MYOM1: variants seen among roughly 807,000 people sequenced by gnomAD.
MYOM1 encodes myomesin-1.
MYOM1 carries 164 observed loss-of-function variants against 205.3 expected under a neutral mutation model. That is an observed-to-expected ratio of 0.80 (90% CI 0.70 to 0.91). The LOEUF (loss-of-function observed/expected upper bound fraction) is 0.91. MYOM1 is among the 40% of genes least tolerant of loss of function. MYOM1 has a pLI of 0.00. For missense variants in MYOM1, 2,011 were observed against 2,127.3 expected, an observed-to-expected ratio of 0.95 and a Z score of 1.08; for synonymous variants, 772 against 789.4, an observed-to-expected ratio of 0.98 and a Z score of 0.37.
At chr18:3,165,021 T>G (rs2080447694) in intron 9 of MYOM1, among the ~76,000 whole-genome samples, 1 of 152,180 alleles carries the variant, frequency 6.6e-6, no homozygotes, top group Admixed American at 6.5e-5. Context: ...CATAATTTTT[T>G]TAGAAGGACC....
intron 3 of MYOM1, 85 bp downstream of exon 3, chr18:3,193,733 A>G (rs73940120): frequency 1.5e-5 from 20 of 1,372,536 alleles, no homozygotes; most frequent in Middle Eastern, 1.8e-4. Flanking sequence ...TCTGTCCACA[A>G]CAATTATGAC....
rs373856363 is a variant in MYOM1 at position 3,131,359 on chromosome 18, T to C, written c.2506+16A>G. The C allele has an allele frequency of 1.3e-5, 21 of 1,613,546 alleles. No homozygotes were observed. The African/African-American group carries it at 2.7e-4, about 20-fold the overall frequency. On this transcript the variant is annotated intron_variant, in intron 17 of 37. Coordinates refer to ENST00000356443, the MANE Select transcript of MYOM1 (RefSeq NM_003803.4). Reference sequence around the variant, plus strand: ...AATCCATTTTTCCCCCATACAGTTATGCATAAGGAACTTACCAATAGCAGC... The same window carrying C: ...AATCCATTTTTCCCCCATACAGTTACGCATAAGGAACTTACCAATAGCAGC...
At chr18:3,158,890 C>T (rs28757783) in intron 10 of MYOM1, among the ~76,000 whole-genome samples, 2,704 of 152,212 alleles carry the variant, frequency 0.018, 67 homozygotes, top group African/African-American at 0.058. Context: ...CTGGGATTAC[C>T]GGCATGAGCC....
intron 10 of MYOM1, among the ~76,000 whole-genome samples, chr18:3,162,317 T>A (rs2080402833): frequency 6.6e-6 from 1 of 151,952 alleles, no homozygotes; most frequent in African/African-American, 2.4e-5. Flanking sequence ...GCCTTAATCA[T>A]CCCCGGGGCC....
chr18:3,149,459 C>T (rs2080185351), intron 12 of MYOM1, among the ~76,000 whole-genome samples: 1 of 152,168 alleles, frequency 6.6e-6, no homozygotes, highest in Admixed American at 6.5e-5. Context: ...ACTGTACTTG[C>T]ACAAGCTAGG....
chr18:3,112,304 G>A lies in MYOM1; in HGVS notation c.3412C>T (p.Arg1138Cys), dbSNP rs200710899. 476 of 1,612,988 alleles carry A rather than the reference G, an allele frequency of 3.0e-4. No individual in the cohort carries two copies. In the African/African-American group the frequency reaches 5.4e-3, roughly 18 times the overall value. ...DLAGPVVAET[R>C]PGTKEVVVNV... is the part of the protein sequence containing the mutation. ...TGAAAAGGTGAAAGCCCACCTGGAC[G>A]GGTCTCTGCCACAACAGGGCCAGCA... Residue 1138 changes from arginine (R) to cysteine (C), a missense_variant, in exon 22 of 38, where the codon CGT becomes TGT. Physicochemically the swap from Arg to Cys is radical, Grantham distance 180. Transcript: ENST00000356443.
rs866312296 is a variant in MYOM1, at chr18:3,073,000, G to A, written c.4709-1111C>T. 2.4e-3 allele frequency among the ~76,000 whole-genome samples: 205 copies of A among 87,106 alleles called. 1 individual carries two copies. The highest frequency in any genetic ancestry group is 7.8e-3 in the African/African-American group (186 of 23,700). The allele number at this position is 87,106 out of a possible 152,430, so 57.1% of individuals were successfully genotyped here. On this transcript the variant is annotated intron_variant, in intron 36 of 37. Transcript: ENST00000356443. Reference sequence around the variant, plus strand: ...TTTTTTTTTTTTTTTTTTTTTTTAAGAGACAGGGTCTTATGTTACCCAGGC... The same window carrying A: ...TTTTTTTTTTTTTTTTTTTTTTTAAAAGACAGGGTCTTATGTTACCCAGGC...
chr18:3,125,472 G>T (rs555406234), intron 19 of MYOM1, among the ~76,000 whole-genome samples: 1 of 150,808 alleles, frequency 6.6e-6, no homozygotes, highest in East Asian at 2.0e-4. Flanking sequence ...ATACAATTTT[G>T]TATAGGCGCA....
intron 5 of MYOM1, among the ~76,000 whole-genome samples, chr18:3,176,903 T>C (rs2080649563): frequency 6.7e-6 from 1 of 150,182 alleles, no homozygotes; most frequent in Non-Finnish European, 1.5e-5. Context: ...ATTTGCAGTA[T>C]ATAATATGCA....
At chr18:3,071,330 T>G (rs75819083) in intron 37 of MYOM1, among the ~76,000 whole-genome samples, 2,653 of 152,268 alleles carry the variant, frequency 0.017, 69 homozygotes, top group African/African-American at 0.06. Context: ...TGCCGATGCT[T>G]GACCTATGAA....
intron 2 of MYOM1, among the ~76,000 whole-genome samples, chr18:3,203,763 C>A (rs552090125): frequency 6.6e-6 from 1 of 150,402 alleles, no homozygotes; most frequent in African/African-American, 2.4e-5. Context: ...GAAGGGAACA[C>A]TTTCCAACTC....
intron 5 of MYOM1, among the ~76,000 whole-genome samples, chr18:3,183,951 G>T (rs745619754): frequency 4.0e-5 from 6 of 151,422 alleles, no homozygotes; most frequent in Non-Finnish European, 5.9e-5. Context: ...TATTGCTCAG[G>T]CTGGAGTGCA....
chr18:3,097,639 T>C (rs1353766444), intron 25 of MYOM1, among the ~76,000 whole-genome samples: 2 of 152,106 alleles, frequency 1.3e-5, no homozygotes, highest in East Asian at 3.9e-4. Flanking sequence ...ACTCCTGGGC[T>C]CAAGTGATCC....
chr18:3,100,054 C>A, intron 25 of MYOM1, 105 bp downstream of exon 25: 1 of 1,181,644 alleles, frequency 8.5e-7, no homozygotes, highest in South Asian at 1.3e-5. Context: ...TATATGTTCT[C>A]AAGAGTCTCT....
chr18:3,125,693 T>C (rs2079770185), intron 19 of MYOM1, among the ~76,000 whole-genome samples: 1 of 152,188 alleles, frequency 6.6e-6, no homozygotes, highest in African/African-American at 2.4e-5. Flanking sequence ...CTCACCCTGC[T>C]CTGAACCCTC....
At chr18:3,142,089 A>C in intron 13 of MYOM1, 26 bp from the exon 14 acceptor site, 1 of 1,611,288 alleles carries the variant, frequency 6.2e-7, no homozygotes, top group Non-Finnish European at 8.5e-7. Flanking sequence ...GAAAAATGAG[A>C]AGCACACATT....
chr18:3,243,668 C>T, the MYOM1 span, among the ~76,000 whole-genome samples: 55 of 152,146 alleles, frequency 3.6e-4, no homozygotes, highest in Non-Finnish European at 4.4e-4. Context: ...CCTTTCTATT[C>T]TACCCCCGGA....
chr18:3,240,009 C>T, the MYOM1 span, among the ~76,000 whole-genome samples: 3 of 151,998 alleles, frequency 2.0e-5, no homozygotes, highest in African/African-American at 4.8e-5. Flanking sequence ...AAAGTGGGCA[C>T]TATTATTATG....
At chr18:3,230,382 G>T in the MYOM1 span, among the ~76,000 whole-genome samples, 3 of 152,200 alleles carry the variant, frequency 2.0e-5, no homozygotes, top group Non-Finnish European at 4.4e-5. Context: ...CCATGCCCAG[G>T]TAACGAAAGG....
Sources: allele counts gnomAD v4.1 joint callset (sites outside exome capture counted in the v4.1 genomes callset), GRCh38; gene constraint gnomAD v4.1.1; transcripts MANE v1.5; gene names NCBI Gene and HGNC (gene_info 2026-07-23, HGNC 2026-07-21).